CDH1: variants seen among roughly 807,000 people sequenced by gnomAD.
CDH1 encodes cadherin-1.
Under a neutral mutation model 84.5 loss-of-function variants are expected in CDH1, and 35 were observed. The ratio of observed to expected loss-of-function variants is 0.41; its 90% confidence interval spans 0.32 to 0.55. The LOEUF (loss-of-function observed/expected upper bound fraction) is 0.55, where lower values mean the gene tolerates loss of function less well. CDH1 is among the 20% of genes least tolerant of loss of function. CDH1 has a pLI of 0.19. For synonymous variants in CDH1, 417 were observed against 439.0 expected (o/e 0.95, Z 0.63); for missense variants, 994 against 1,126.6 (o/e 0.88, Z 1.68).
rs532497255 is a variant in CDH1, at chr16:68,809,962, C to T, written c.688-235C>T. 2.0e-5 allele frequency among the ~76,000 whole-genome samples: 3 copies of T among 152,284 alleles called. No homozygotes were observed. The South Asian group carries it at 6.2e-4, about 32-fold the overall frequency. ...TCTCTAGGCCTGATGCCCTGGTCCT[C>T]GTGTGGGAAATGGGAGGTCTGAGCC... On this transcript the variant is annotated intron_variant, in intron 5 of 15. Coordinates refer to ENST00000261769, the MANE Select transcript of CDH1 (RefSeq NM_004360.5).
intron 2 of CDH1, among the ~76,000 whole-genome samples, chr16:68,743,355 CTTTCTTTCT>C (rs1962632432): frequency 3.8e-5 from 1 of 26,170 alleles, no homozygotes; most frequent in African/African-American, 1.3e-4. Context: ...TTCTTTCTTT[CTTTCTTTCT>C]TTTCTTTTCT....
chr16:68,779,218 T>G (rs955048684), intron 2 of CDH1, among the ~76,000 whole-genome samples: 8 of 152,206 alleles, frequency 5.3e-5, no homozygotes, highest in Non-Finnish European at 1.5e-5. Context: ...GATGCCCCAG[T>G]GGCTTGTCCT....
chr16:68,810,421 G>A (rs2152131344), intron 6 of CDH1, 80 bp downstream of exon 6: 2 of 1,410,596 alleles, frequency 1.4e-6, no homozygotes, highest in Non-Finnish European at 2.0e-6. Context: ...CAAGCCCAAA[G>A]GTTGTGTAAC....
At chr16:68,813,143 G>C (rs2152133146) in intron 8 of CDH1, among the ~76,000 whole-genome samples, 170 bp from the exon 9 acceptor site, 1 of 152,250 alleles carries the variant, frequency 6.6e-6, no homozygotes, top group African/African-American at 2.4e-5. Flanking sequence ...CTTGAGCCCA[G>C]GAGGTTGAGG....
chr16:68,831,551 C>T (rs866604967), intron 15 of CDH1, among the ~76,000 whole-genome samples: 1 of 110,068 alleles, frequency 9.1e-6, no homozygotes, highest in South Asian at 2.5e-4. Context: ...TTTTTATTTT[C>T]ATTTTTTGAG....
intron 2 of CDH1, among the ~76,000 whole-genome samples, chr16:68,743,661 G>A (rs749156502): frequency 6.6e-6 from 1 of 151,860 alleles, no homozygotes; most frequent in Non-Finnish European, 1.5e-5. Flanking sequence ...CCACCGAGCC[G>A]GGCCCCTTCC....
At chr16:68,751,272 G>A (rs916224355) in intron 2 of CDH1, among the ~76,000 whole-genome samples, 17 of 151,988 alleles carry the variant, frequency 1.1e-4, no homozygotes, top group African/African-American at 3.4e-4. Context: ...ATGTACCTGG[G>A]GTCCTCATCT....
chr16:68,773,382 T>C (rs1294103083), intron 2 of CDH1, among the ~76,000 whole-genome samples: 6 of 151,784 alleles, frequency 4.0e-5, no homozygotes, highest in Non-Finnish European at 7.4e-5. Context: ...CTGCAACTTC[T>C]GCCTCCCAGG....
In CDH1 at chr16:68,753,816, TA is replaced by T. The variant is rs944204253; in HGVS notation, c.163+15414del. ...TCCCATGCAATATTTGAGACATACT[TA>T]AAAAAAAATTATTTGGCAGGGGCAG... On this transcript the variant is annotated intron_variant, in intron 2 of 15. Coordinates refer to ENST00000261769, the MANE Select transcript of CDH1 (RefSeq NM_004360.5). 1.5e-4 allele frequency among the ~76,000 whole-genome samples: 22 copies of T among 151,528 alleles called. No homozygotes were observed. The East Asian group carries it at 1.9e-3, about 13-fold the overall frequency.
At position 68,819,363 on chromosome 16, in the gene CDH1, G is replaced by C. The variant is rs771649648; in HGVS notation, c.1649G>C (p.Arg550Thr). Residue 550 changes from arginine (R) to threonine (T), a missense_variant, in exon 11 of 16, where the codon AGG becomes ACG. This residue lies in a region of CDH1 where 769 missense variants were observed against 881.8 expected (regional missense o/e 0.87). Coordinates refer to ENST00000261769, the MANE Select transcript of CDH1 (RefSeq NM_004360.5). The part of the protein sequence containing the change: ...GAISTRAELD[R>T]EDFEHVKNST... ...ATTTCCACTCGGGCTGAGCTGGACAGGGAGGATTTTGAGCACGTGAAGAAC... is the reference window on the plus strand; with the variant it reads ...ATTTCCACTCGGGCTGAGCTGGACACGGAGGATTTTGAGCACGTGAAGAAC... The C allele has an allele frequency of 1.9e-6, 3 of 1,614,086 alleles. No homozygotes were observed. Among genetic ancestry groups the C allele is most frequent in the Non-Finnish European group, 1.7e-6 (2 of 1,180,026 alleles).
intron 2 of CDH1, among the ~76,000 whole-genome samples, chr16:68,772,581 A>G (rs924109805): frequency 6.6e-6 from 1 of 152,102 alleles, no homozygotes; most frequent in Non-Finnish European, 1.5e-5. Flanking sequence ...ACTTCACTCC[A>G]TACCCTGTGA....
At chr16:68,749,583 T>A (rs1962836549) in intron 2 of CDH1, among the ~76,000 whole-genome samples, 1 of 152,122 alleles carries the variant, frequency 6.6e-6, no homozygotes, top group South Asian at 2.1e-4. Flanking sequence ...GGTTAGAGAG[T>A]GGGTCCTGCC....
rs773049632 is a variant in CDH1 at position 68,788,769 on chromosome 16, C to T, written c.164-12901C>T. 4.2e-4 allele frequency among the ~76,000 whole-genome samples: 64 copies of T among 152,062 alleles called. 1 individual carries two copies. The highest frequency in any genetic ancestry group is 8.5e-4 in the Admixed American group (13 of 15,264). On this transcript the variant is annotated intron_variant, in intron 2 of 15. Transcript: ENST00000261769. Reference sequence around the variant, plus strand: ...ATCTCAACACTTTTGGAGGCCGAGACGGGTGGATCACAAGATCAGGAGTTC... The same window carrying T: ...ATCTCAACACTTTTGGAGGCCGAGATGGGTGGATCACAAGATCAGGAGTTC...
chr16:68,787,771 A>G (rs1338039802), intron 2 of CDH1, among the ~76,000 whole-genome samples: 1 of 145,282 alleles, frequency 6.9e-6, no homozygotes, highest in Non-Finnish European at 1.5e-5. Flanking sequence ...CAGTTCTCCC[A>G]CTTCAGCCTC....
intron 3 of CDH1, among the ~76,000 whole-genome samples, chr16:68,806,277 A>G (rs1960658029): frequency 6.6e-6 from 1 of 151,644 alleles, no homozygotes; most frequent in African/African-American, 2.4e-5. Context: ...TCAGCCTCCC[A>G]AGTAGTTGGG....
intron 8 of CDH1, 143 bp from the exon 9 acceptor site, chr16:68,813,170 T>C (rs1041869328): frequency 1.4e-5 from 12 of 830,122 alleles, no homozygotes; most frequent in Middle Eastern, 3.4e-4. Context: ...TGAGCCATGA[T>C]CGCTCAAATA....
intron 2 of CDH1, among the ~76,000 whole-genome samples, chr16:68,750,132 T>G (rs28534797): frequency 0.04 from 4,834 of 120,078 alleles, 277 homozygotes; most frequent in African/African-American, 0.12. Flanking sequence ...TAATTTTGAT[T>G]GTGATGCTAG....
At position 68,833,671 on chromosome 16, in the gene CDH1, A is replaced by C. The variant is rs886052237; in HGVS notation, c.*172A>C. 2 of 625,256 alleles carry C rather than the reference A, an allele frequency of 3.2e-6. No homozygotes were observed. The highest frequency in any genetic ancestry group is 2.8e-5 in the Admixed American group (1 of 35,350). 38.7% of individuals were successfully genotyped at this position (625,256 alleles called of 1,614,324 possible). On this transcript the variant is annotated 3_prime_UTR_variant, in exon 16 of 16. Coordinates refer to ENST00000261769, the MANE Select transcript of CDH1 (RefSeq NM_004360.5). ...CTCTCTCCACTTTATAGCTCTAATA[A>C]GTTTGTGTTAGAAAAGTTTCGACTT...
intron 4 of CDH1, 41 bp from the exon 5 acceptor site, chr16:68,808,652 A>C (rs1567504707): frequency 1.9e-6 from 3 of 1,613,484 alleles, no homozygotes; most frequent in Non-Finnish European, 1.7e-6. Flanking sequence ...CAGTGTTGGG[A>C]TCCTTCTTTA....
Sources: allele counts gnomAD v4.1 joint callset (sites outside exome capture counted in the v4.1 genomes callset), GRCh38; gene constraint gnomAD v4.1.1; regional missense constraint gnomAD v4.1.1; transcripts MANE v1.5; gene names NCBI Gene and HGNC (gene_info 2026-07-23, HGNC 2026-07-21).